Variants in LAPTM5 observed in about 807,000 individuals in gnomAD.
LAPTM5 encodes lysosomal-associated transmembrane protein 5.
LAPTM5 carries 11 observed loss-of-function variants against 30.1 expected under a neutral mutation model. The ratio of observed to expected loss-of-function variants is 0.37; its 90% confidence interval spans 0.23 to 0.60. The LOEUF is 0.60. Among genes scored for constraint, LAPTM5 ranks in the 20% least tolerant of loss-of-function variants. The pLI, the probability that LAPTM5 is intolerant of heterozygous loss-of-function variation, is 0.71. For synonymous variants in LAPTM5, 151 were observed against 137.9 expected, an observed-to-expected ratio of 1.10 and a Z score of -0.67; for missense variants, 324 against 332.5, an observed-to-expected ratio of 0.97 and a Z score of 0.20.
intron 6 of LAPTM5, among the ~76,000 whole-genome samples, chr1:30,736,283 G>C (rs1366164009): frequency 6.6e-6 from 1 of 152,200 alleles, no homozygotes; most frequent in African/African-American, 2.4e-5. Flanking sequence ...CAGGGCCTCA[G>C]ATGGAAGCAG....
chr1:30,737,264 G>A (rs78423254), intron 6 of LAPTM5, among the ~76,000 whole-genome samples: 3,206 of 152,332 alleles, frequency 0.021, 117 homozygotes, highest in African/African-American at 0.073. Flanking sequence ...TGCCCCTGAG[G>A]CCCAGAGAGA....
chr1:30,750,845 C>T (rs1265202306), intron 1 of LAPTM5, among the ~76,000 whole-genome samples: 1 of 152,240 alleles, frequency 6.6e-6, no homozygotes, highest in Non-Finnish European at 1.5e-5. Context: ...TCCCACTTGA[C>T]CAGGGAGGAA....
In LAPTM5 at chr1:30,746,057, A is replaced by AAGCCCC. The variant is rs1379200244; in HGVS notation, c.88-3514_88-3509dup. 1 of 152,136 alleles carries AAGCCCC rather than the reference A, an allele frequency of 6.6e-6. No individual in the cohort carries two copies. Among genetic ancestry groups the AAGCCCC allele is most frequent in the East Asian group, 1.9e-4 (1 of 5,160 alleles). The allele number at this position is 152,136 out of a possible 1,614,324, so 9.4% of individuals were successfully genotyped here. A position where few individuals can be genotyped will look rare whatever the true frequency, so the allele number is the denominator to read the frequency against. The stretch of plus-strand genomic sequence containing the variant: ...ATCTGCCCACCCTTCCCTGGCAACC[A>AAGCCCC]AGCCCCAGCCCCAGCCACTCAGAGC... On this transcript the variant is annotated intron_variant, in intron 1 of 7. Transcript: ENST00000294507. The surrounding 1 kb of genome is among the most constrained non-coding windows in gnomAD (Gnocchi z 4.0).
chr1:30,754,578 TG>T (rs1185148249), intron 1 of LAPTM5, among the ~76,000 whole-genome samples: 1 of 151,790 alleles, frequency 6.6e-6, no homozygotes, highest in Non-Finnish European at 1.5e-5. Context: ...CCACAAAAGA[TG>T]GGCAAGTTAC....
At chr1:30,748,696 G>A (rs926299420) in intron 1 of LAPTM5, among the ~76,000 whole-genome samples, 4 of 152,170 alleles carry the variant, frequency 2.6e-5, no homozygotes, top group African/African-American at 9.6e-5. Flanking sequence ...CACGCACTCC[G>A]CAGCAGCCCG....
intron 1 of LAPTM5, among the ~76,000 whole-genome samples, chr1:30,743,942 T>A (rs1399158729): frequency 6.6e-6 from 1 of 152,132 alleles, no homozygotes; most frequent in African/African-American, 2.4e-5. Context: ...GGATTTTGAA[T>A]CCAGGTCACT....
At chr1:30,750,345 A>G (rs1421059912) in intron 1 of LAPTM5, among the ~76,000 whole-genome samples, 2 of 152,186 alleles carry the variant, frequency 1.3e-5, no homozygotes, top group African/African-American at 4.8e-5. Context: ...TATTGATACT[A>G]TTATTGTTGT....
At chr1:30,749,187 C>G (rs76444650) in intron 1 of LAPTM5, among the ~76,000 whole-genome samples, 1 of 152,294 alleles carries the variant, frequency 6.6e-6, no homozygotes, top group Admixed American at 6.5e-5. Context: ...GTTAGCTACC[C>G]GCAACCACAC....
rs376494663 is a variant in LAPTM5 at position 30,742,606 on chromosome 1, C to T, written c.88-57G>A. 60 of 1,387,682 alleles carry T rather than the reference C, an allele frequency of 4.3e-5. 1 individual carries two copies. The African/African-American group carries it at 6.5e-4, about 15-fold the overall frequency. 86.0% of individuals were successfully genotyped at this position (1,387,682 alleles called of 1,614,324 possible). A position where few individuals can be genotyped will look rare whatever the true frequency, so the allele number is the denominator to read the frequency against. On this transcript the variant is annotated intron_variant, in intron 1 of 7. Coordinates refer to ENST00000294507, the MANE Select transcript of LAPTM5 (RefSeq NM_006762.3). ...GCCTGCATCACGGCCCCCCGACCAG[C>T]CCCTCCCACCTTAGTGGTGTACAGC...
At chr1:30,750,160 C>T (rs150887812) in intron 1 of LAPTM5, among the ~76,000 whole-genome samples, 338 of 152,222 alleles carry the variant, frequency 2.2e-3, no homozygotes, top group African/African-American at 7.9e-3. Context: ...ATCAAATCTC[C>T]CTTTAGGAGC....
At chr1:30,747,206 G>T (rs924611006) in intron 1 of LAPTM5, among the ~76,000 whole-genome samples, 5 of 152,208 alleles carry the variant, frequency 3.3e-5, no homozygotes. Flanking sequence ...CAGAAGAGAA[G>T]AAAGCATTCC....
In LAPTM5 at chr1:30,736,778, T is replaced by C. The variant is rs189292557; in HGVS notation, c.606+826A>G. On this transcript the variant is annotated intron_variant, in intron 6 of 7. Coordinates refer to ENST00000294507, the MANE Select transcript of LAPTM5 (RefSeq NM_006762.3). ...TTTCTACTATGACCTATGTTACTTT[T>C]ATAATCAGAAAAGAACACTTTTTAA... 1.5e-3 allele frequency among the ~76,000 whole-genome samples: 235 copies of C among 152,308 alleles called. 3 individuals are homozygous for C. The highest frequency in any genetic ancestry group is 9.1e-4 in the Non-Finnish European group (62 of 68,024).
At chr1:30,750,650 C>A (rs1308220877) in intron 1 of LAPTM5, among the ~76,000 whole-genome samples, 1 of 152,222 alleles carries the variant, frequency 6.6e-6, no homozygotes, top group Admixed American at 6.5e-5. Flanking sequence ...CCCCCTCCCC[C>A]ATCCCATGGC....
At chr1:30,735,845 T>G (rs1639877048) in intron 6 of LAPTM5, among the ~76,000 whole-genome samples, 1 of 152,120 alleles carries the variant, frequency 6.6e-6, no homozygotes, top group African/African-American at 2.4e-5. Flanking sequence ...GGATGCCCCC[T>G]GAGTAAGAGG....
At chr1:30,734,248 G>A (rs1390778231) in intron 7 of LAPTM5, among the ~76,000 whole-genome samples, 2 of 152,166 alleles carry the variant, frequency 1.3e-5, no homozygotes, top group Non-Finnish European at 2.9e-5. Context: ...GCTGGACTTG[G>A]CCACTCAAAG....
chr1:30,754,163 G>C lies in LAPTM5; in HGVS notation c.87+3496C>G, dbSNP rs1021457140. The stretch of plus-strand genomic sequence containing the variant: ...TTCTGGGCAAAAGTGTCTTCTGGGG[G>C]TGTCCACTTTCTACCATCGACTTAG... On this transcript the variant is annotated intron_variant, in intron 1 of 7. Transcript: ENST00000294507. 2.0e-5 allele frequency among the ~76,000 whole-genome samples: 3 copies of C among 152,136 alleles called. No homozygotes were observed. The South Asian group carries it at 6.2e-4, about 32-fold the overall frequency.
At chr1:30,745,468 A>C (rs2124189046) in intron 1 of LAPTM5, among the ~76,000 whole-genome samples, 1 of 143,258 alleles carries the variant, frequency 7.0e-6, no homozygotes. Context: ...ACCAGGCACC[A>C]GAGGTATTTC....
chr1:30,757,607 T>C (rs2124206684), intron 1 of LAPTM5, 52 bp downstream of exon 1: 5 of 1,573,252 alleles, frequency 3.2e-6, no homozygotes, highest in Middle Eastern at 1.7e-4. Flanking sequence ...ACCGCAGACA[T>C]TCACACTCAC....
chr1:30,736,569 G>A (rs890679115), intron 6 of LAPTM5, among the ~76,000 whole-genome samples: 15 of 151,932 alleles, frequency 9.9e-5, no homozygotes, highest in Non-Finnish European at 1.6e-4. Context: ...TAGTAGCTGG[G>A]ACTACAGGCA....
Sources: allele counts gnomAD v4.1 joint callset (sites outside exome capture counted in the v4.1 genomes callset), GRCh38; gene constraint gnomAD v4.1.1; non-coding constraint Gnocchi (gnomAD v3.1); transcripts MANE v1.5; gene names NCBI Gene and HGNC (gene_info 2026-07-23, HGNC 2026-07-21).